EEA1: variants seen among roughly 807,000 people sequenced by gnomAD.
The protein encoded by EEA1 is early endosome antigen 1, 162kD.
In EEA1, 111 loss-of-function variants were observed where a neutral mutation model predicts 209.2. The observed-to-expected ratio is 0.53, with a 90% CI of 0.45 to 0.62. The LOEUF (loss-of-function observed/expected upper bound fraction) is 0.62, where lower values mean the gene tolerates loss of function less well. EEA1 is among the 20% of genes least tolerant of loss of function. The pLI, the probability that EEA1 is intolerant of heterozygous loss-of-function variation, is 0.00. For synonymous variants in EEA1, 536 were observed against 540.6 expected, an observed-to-expected ratio of 0.99 and a Z score of 0.12; for missense variants, 1,343 against 1,530.8, an observed-to-expected ratio of 0.88 and a Z score of 2.05.
At chr12:92,857,389 G>T (rs781498291) in intron 4 of EEA1, 42 bp downstream of exon 4, 6 of 1,569,314 alleles carry the variant, frequency 3.8e-6, no homozygotes, top group Non-Finnish European at 5.2e-6. Flanking sequence ...GGTATTATCT[G>T]AAACACTGAA....
At chr12:92,903,840 T>C (rs1189905929) in intron 1 of EEA1, among the ~76,000 whole-genome samples, 1 of 152,132 alleles carries the variant, frequency 6.6e-6, no homozygotes, top group East Asian at 1.9e-4. Context: ...ATTTTTTTGT[T>C]GCTACTTTTC....
In EEA1 at chr12:92,836,256, C is replaced by T. The variant is rs1876925510; in HGVS notation, c.916-3406G>A. Among the ~76,000 whole-genome samples the T allele has an allele frequency of 2.0e-5, 3 of 152,248 alleles. No homozygotes were observed. The South Asian group carries it at 6.2e-4, about 32-fold the overall frequency. On this transcript the variant is annotated intron_variant, in intron 10 of 28. Coordinates refer to ENST00000322349, the MANE Select transcript of EEA1 (RefSeq NM_003566.4). ...CAATTTGTACTCCCTAAAATATATC[C>T]TATTCAAATTTAAATTATAAAATGC...
chr12:92,925,247 G>T (rs1205846543), intron 1 of EEA1, among the ~76,000 whole-genome samples: 5 of 151,636 alleles, frequency 3.3e-5, no homozygotes, highest in African/African-American at 7.3e-5. Flanking sequence ...TTAACACAGG[G>T]TCTCACTCTG....
intron 3 of EEA1, among the ~76,000 whole-genome samples, chr12:92,860,285 A>T (rs907989837): frequency 6.6e-6 from 1 of 152,150 alleles, no homozygotes; most frequent in Non-Finnish European, 1.5e-5. Flanking sequence ...TTTATAAGAA[A>T]GCCTGAGTAC....
rs1296063118 is a variant in EEA1, at chr12:92,773,094, C to T, written c.*2917G>A. On this transcript the variant is annotated 3_prime_UTR_variant, in exon 29 of 29. Coordinates refer to ENST00000322349, the MANE Select transcript of EEA1 (RefSeq NM_003566.4). ...ATGTCTAGGAATACTATAATGGTGG[C>T]ACATTTAAATCTTATGGATCAAATC... 1.3e-5 allele frequency: 2 copies of T among 151,966 alleles called. No homozygotes were observed. The highest frequency in any genetic ancestry group is 4.8e-5 in the African/African-American group (2 of 41,336). 9.4% of individuals were successfully genotyped at this position (151,966 alleles called of 1,614,324 possible).
intron 11 of EEA1, among the ~76,000 whole-genome samples, chr12:92,831,210 C>T (rs1876611006): frequency 1.3e-5 from 2 of 151,936 alleles, no homozygotes; most frequent in Admixed American, 1.3e-4. Flanking sequence ...AGAAAAACAG[C>T]TGAACATTAT....
chr12:92,811,998 T>C (rs1344428435), intron 16 of EEA1, among the ~76,000 whole-genome samples: 1 of 152,160 alleles, frequency 6.6e-6, no homozygotes, highest in Non-Finnish European at 1.5e-5. Context: ...TTTTGTTCTG[T>C]TTTTTAACTT....
rs2136676287 is a variant in EEA1, at chr12:92,813,157, C to T, written c.1930-64G>A. 3 of 1,049,942 alleles carry T rather than the reference C, an allele frequency of 2.9e-6. No individual in the cohort carries two copies. In the South Asian group the frequency reaches 5.3e-5, roughly 19 times the overall value. The allele number at this position is 1,049,942 out of a possible 1,614,324, so 65.0% of individuals were successfully genotyped here. ...TTCTTGATTTCCTCTTGCTTGAACG[C>T]ACACTCCTTTTGTGACTAAACAAAC... On this transcript the variant is annotated intron_variant, in intron 15 of 28. Coordinates refer to ENST00000322349, the MANE Select transcript of EEA1 (RefSeq NM_003566.4).
intron 1 of EEA1, among the ~76,000 whole-genome samples, chr12:92,892,519 G>C (rs943238484): frequency 6.7e-6 from 1 of 150,046 alleles, no homozygotes; most frequent in Non-Finnish European, 1.5e-5. Flanking sequence ...GAACTAAAAT[G>C]CAGATCTTCT....
At chr12:92,860,692 G>A (rs149445486) in intron 3 of EEA1, among the ~76,000 whole-genome samples, 117 of 152,262 alleles carry the variant, frequency 7.7e-4, no homozygotes, top group African/African-American at 2.6e-3. Flanking sequence ...AGCTGGTGTG[G>A]CTGGCCATGG....
intron 1 of EEA1, among the ~76,000 whole-genome samples, chr12:92,894,558 G>C (rs1879788788): frequency 6.6e-6 from 1 of 152,138 alleles, no homozygotes; most frequent in Non-Finnish European, 1.5e-5. Context: ...ATGTTTTAGT[G>C]ACATGGATAT....
intron 11 of EEA1, among the ~76,000 whole-genome samples, chr12:92,828,271 T>C (rs1876416729): frequency 6.6e-6 from 1 of 152,212 alleles, no homozygotes; most frequent in Admixed American, 6.5e-5. Flanking sequence ...AAATTATCGT[T>C]AAACATCACA....
intron 1 of EEA1, 24 bp downstream of exon 1, chr12:92,929,019 A>G (rs1372171170): frequency 3.2e-6 from 5 of 1,585,828 alleles, no homozygotes; most frequent in Non-Finnish European, 4.3e-6. Flanking sequence ...ACGTGCTGCC[A>G]GAAAGACGGT....
In EEA1 at chr12:92,771,245, T is replaced by G. The variant is rs1448794492; in HGVS notation, c.*4766A>C. On this transcript the variant is annotated 3_prime_UTR_variant, in exon 29 of 29. Coordinates refer to ENST00000322349, the MANE Select transcript of EEA1 (RefSeq NM_003566.4). ...CAATTTGCAAAGTGAAAGTAGTAAATTTATCAAATTTGGCTGCAAGACAAC... is the reference window on the plus strand; with the variant it reads ...CAATTTGCAAAGTGAAAGTAGTAAAGTTATCAAATTTGGCTGCAAGACAAC... 6.6e-6 allele frequency: 1 copy of G among 152,118 alleles called. No homozygotes were observed. The highest frequency in any genetic ancestry group is 1.5e-5 in the Non-Finnish European group (1 of 67,974). 9.4% of individuals were successfully genotyped at this position (152,118 alleles called of 1,614,324 possible).
At chr12:92,781,707 A>C (rs1873909089) in intron 23 of EEA1, among the ~76,000 whole-genome samples, 1 of 137,812 alleles carries the variant, frequency 7.3e-6, no homozygotes, top group South Asian at 2.5e-4. Context: ...TGGTGTGAAA[A>C]ATTGACTTGT....
At chr12:92,858,183 G>GA (rs1325004103) in intron 3 of EEA1, 2 of 677,618 alleles carry the variant, frequency 3.0e-6, no homozygotes, top group African/African-American at 3.5e-5. Flanking sequence ...TAAGATCTGT[G>GA]ACCAGATCAG....
chr12:92,785,357 G>A (rs1874085483), intron 22 of EEA1, among the ~76,000 whole-genome samples: 1 of 152,158 alleles, frequency 6.6e-6, no homozygotes, highest in African/African-American at 2.4e-5. Context: ...GTTAGCCCAT[G>A]CTCTACACTG....
At chr12:92,792,493 A>T (rs1874451570) in intron 21 of EEA1, among the ~76,000 whole-genome samples, 1 of 152,218 alleles carries the variant, frequency 6.6e-6, no homozygotes, top group African/African-American at 2.4e-5. Flanking sequence ...AGAGAATACT[A>T]TAAACACCTC....
rs772473691 is a variant in EEA1 at position 92,826,178 on chromosome 12, A to T, written c.1512T>A (p.Leu504=). ...QALQQSTTAK[L]REAQNDLEQV... Reference sequence around the variant, plus strand: ...AACTAATGTTTACCTGAGCTTCTCGAAGTTTTGCCGTGGTGCTTTGCTGAA... The same window carrying T: ...AACTAATGTTTACCTGAGCTTCTCGTAGTTTTGCCGTGGTGCTTTGCTGAA... The change falls in exon 13 of 29, where the codon CTT becomes CTA. Residue 504 remains leucine, a synonymous_variant. Coordinates refer to ENST00000322349, the MANE Select transcript of EEA1 (RefSeq NM_003566.4). 89 of 1,613,244 alleles carry T rather than the reference A, an allele frequency of 5.5e-5. No homozygotes were observed. Among genetic ancestry groups the T allele is most frequent in the Middle Eastern group, 3.3e-4 (2 of 6,058 alleles).
Sources: gnomAD v4.1 joint callset for allele counts (sites outside exome capture counted in the v4.1 genomes callset) on GRCh38, gnomAD v4.1.1 for gene constraint, MANE v1.5 for transcripts, NCBI Gene and HGNC (gene_info 2026-07-23, HGNC 2026-07-21) for gene names.